Variants in TJP1 observed in about 807,000 individuals in gnomAD.
TJP1 encodes tight junction protein ZO-1.
In TJP1, 43 loss-of-function variants were observed where a neutral mutation model predicts 194.2. The ratio of observed to expected loss-of-function variants is 0.22; its 90% confidence interval spans 0.17 to 0.29. The LOEUF (loss-of-function observed/expected upper bound fraction) is 0.29. Ranked by LOEUF, TJP1 falls within the 10% of genes least tolerant of loss-of-function variation. The pLI is 1.00. For missense variants in TJP1, 1,971 were observed against 2,185.7 expected, an observed-to-expected ratio of 0.90 and a Z score of 1.96; for synonymous variants, 801 against 779.0, an observed-to-expected ratio of 1.03 and a Z score of -0.47.
intron 1 of TJP1, among the ~76,000 whole-genome samples, chr15:29,801,839 C>T (rs1332329706): frequency 1.3e-5 from 2 of 151,548 alleles, no homozygotes; most frequent in African/African-American, 2.4e-5. Context: ...GAAGAATTGT[C>T]TTGGGCCACA....
intron 2 of TJP1, among the ~76,000 whole-genome samples, chr15:29,862,592 C>G (rs1042154620): frequency 2.6e-4 from 39 of 151,848 alleles, no homozygotes; most frequent in Admixed American, 1.7e-3. Context: ...AGACTTGGAG[C>G]CAAACACCAG....
intron 2 of TJP1, among the ~76,000 whole-genome samples, chr15:29,934,074 T>G (rs148965216): frequency 1.3e-4 from 20 of 152,202 alleles, no homozygotes; most frequent in Admixed American, 9.8e-4. Flanking sequence ...ACCCATGACA[T>G]GAGAACCAAT....
At chr15:29,816,168 T>C (rs1596006239) in intron 1 of TJP1, among the ~76,000 whole-genome samples, 1 of 151,962 alleles carries the variant, frequency 6.6e-6, no homozygotes. Context: ...GCTGGGATTT[T>C]AGGCATGTGC....
In TJP1 at chr15:29,722,152, T is replaced by C. The variant is rs762058860; in HGVS notation, c.2413-1444A>G. Among the ~76,000 whole-genome samples, 5 of 152,254 alleles carry C rather than the reference T, an allele frequency of 3.3e-5. No individual in the cohort carries two copies. In the East Asian group the frequency reaches 9.6e-4, roughly 29 times the overall value. On this transcript the variant is annotated intron_variant, in intron 18 of 27. Coordinates refer to ENST00000614355, the MANE Select transcript of TJP1 (RefSeq NM_001330239.4). ...AGGAATTCAAGCTGGCTGCAGAAAT[T>C]TGTTAAGTAACGAGGGACAGAATAT...
intron 2 of TJP1, among the ~76,000 whole-genome samples, chr15:29,790,966 A>G (rs1337930612): frequency 1.3e-5 from 2 of 152,092 alleles, no homozygotes; most frequent in African/African-American, 4.8e-5. Context: ...TGTTGATACT[A>G]TAACTTGGCT....
At chr15:29,770,767 T>A (rs1312100696) in intron 4 of TJP1, among the ~76,000 whole-genome samples, 1 of 151,578 alleles carries the variant, frequency 6.6e-6, no homozygotes, top group Admixed American at 6.6e-5. Flanking sequence ...ATTACGAGAG[T>A]CAAAAAGTTA....
chr15:29,748,957 CGT>C (rs3084337), intron 8 of TJP1, among the ~76,000 whole-genome samples: 13,120 of 48,764 alleles, frequency 0.27, 564 homozygotes, highest in Non-Finnish European at 0.33. Context: ...TGTGTGTGCG[CGT>C]GTGTGCGCGC....
chr15:29,950,165 ACAACCACTACCTCCACCT>A lies in TJP1; in HGVS notation c.306+6049_306+6066del, dbSNP rs1256078870. ...CACAACCACCACCTCCACCACCACC[ACAACCACTACCTCCACCT>A]CCACCACCACCACCACTTCCATCTC... On this transcript the variant is annotated intron_variant, in intron 2 of 28. Transcript: ENST00000356107. Among the ~76,000 whole-genome samples, 3 of 94,746 alleles carry A rather than the reference ACAACCACTACCTCCACCT, an allele frequency of 3.2e-5. No homozygotes were observed. In the East Asian group the frequency reaches 1.7e-3, roughly 55 times the overall value. 62.2% of individuals were successfully genotyped at this position (94,746 alleles called of 152,430 possible). A position where few individuals can be genotyped will look rare whatever the true frequency, so the allele number is the denominator to read the frequency against.
At chr15:29,950,042 TCCACCACCA>T (rs1567227467) in intron 2 of TJP1, among the ~76,000 whole-genome samples, 2 of 12,814 alleles carry the variant, frequency 1.6e-4, no homozygotes, top group Non-Finnish European at 1.4e-4. Flanking sequence ...CACCACCACC[TCCACCACCA>T]CCACCTCCAC....
At chr15:29,707,585 C>A (rs899057269) in intron 25 of TJP1, among the ~76,000 whole-genome samples, 11 of 152,054 alleles carry the variant, frequency 7.2e-5, no homozygotes. Flanking sequence ...TTTATGGTGG[C>A]GTGAAAATGG....
chr15:29,747,796 A>G (rs2044907022), intron 8 of TJP1, among the ~76,000 whole-genome samples: 1 of 152,194 alleles, frequency 6.6e-6, no homozygotes, highest in African/African-American at 2.4e-5. Flanking sequence ...TTGGCTATAC[A>G]TGTAGGGCTC....
chr15:29,949,924 C>A (rs1444631000), intron 2 of TJP1, among the ~76,000 whole-genome samples: 3 of 38,612 alleles, frequency 7.8e-5, no homozygotes, highest in Non-Finnish European at 1.2e-4. Flanking sequence ...CCTCCACCTT[C>A]ACCACCACCA....
intron 1 of TJP1, among the ~76,000 whole-genome samples, chr15:29,811,950 C>T (rs897921359): frequency 6.6e-6 from 1 of 152,130 alleles, no homozygotes; most frequent in African/African-American, 2.4e-5. Flanking sequence ...AAATAAAATT[C>T]CTATATGCCT....
intron 2 of TJP1, among the ~76,000 whole-genome samples, chr15:29,829,624 G>T (rs1194931674): frequency 5.1e-5 from 5 of 98,870 alleles, no homozygotes; most frequent in Non-Finnish European, 8.0e-5. Flanking sequence ...CAAATTCATT[G>T]CCTTAAAAAA....
chr15:29,837,984 A>G (rs770743089), intron 2 of TJP1, among the ~76,000 whole-genome samples: 3 of 152,212 alleles, frequency 2.0e-5, no homozygotes, highest in Non-Finnish European at 4.4e-5. Context: ...AGGATTTTAG[A>G]CTTAGGAGGA....
chr15:29,716,748 A>G lies in TJP1; in HGVS notation c.4065T>C (p.Tyr1355=), dbSNP rs754223203. 9 of 1,614,168 alleles carry G rather than the reference A, an allele frequency of 5.6e-6. No individual in the cohort carries two copies. The highest frequency in any genetic ancestry group is 7.6e-6 in the Non-Finnish European group (9 of 1,180,018). Residue 1355 remains tyrosine, a synonymous_variant, in exon 23 of 28, where the codon TAT becomes TAC. Coordinates refer to ENST00000614355, the MANE Select transcript of TJP1 (RefSeq NM_001330239.4). The part of the protein sequence containing the change: ...HYDPEEDEEY[Y]RKQLSYFDRR... ...GGTCAAAGTATGACAGCTGTTTTCG[A>G]TAATATTCTTCATCTTCTTCAGGGT...
At chr15:29,758,967 G>A (rs2045824826) in intron 8 of TJP1, 1 of 152,200 alleles carries the variant, frequency 6.6e-6, no homozygotes, top group African/African-American at 2.4e-5. Context: ...CAGTAGATAC[G>A]AATTAGCAAC....
At position 29,874,256 on chromosome 15, in the gene TJP1, G is replaced by A. The variant is rs2052622865; in HGVS notation, c.307-73554C>T. Among the ~76,000 whole-genome samples, 8 of 152,352 alleles carry A rather than the reference G, an allele frequency of 5.3e-5. No individual in the cohort carries two copies. The South Asian group carries it at 1.7e-3, about 32-fold the overall frequency. On this transcript the variant is annotated intron_variant, in intron 2 of 28. Transcript: ENST00000356107. ...ATCCCTGAGAAGGAGGGTGACAGAAGAGAACGCCTGCAGGGTGACAGTAAA... is the reference window on the plus strand; with the variant it reads ...ATCCCTGAGAAGGAGGGTGACAGAAAAGAACGCCTGCAGGGTGACAGTAAA...
chr15:29,816,075 A>G (rs2049896664), intron 1 of TJP1, among the ~76,000 whole-genome samples: 2 of 150,890 alleles, frequency 1.3e-5, no homozygotes, highest in African/African-American at 2.4e-5. Flanking sequence ...CAGTGGTGCT[A>G]TCTCGACTCA....
Sources: gnomAD v4.1 joint callset for allele counts (sites outside exome capture counted in the v4.1 genomes callset) on GRCh38, gnomAD v4.1.1 for gene constraint, MANE v1.5 for transcripts, NCBI Gene and HGNC (gene_info 2026-07-23, HGNC 2026-07-21) for gene names.